Variants in ANKS1B observed in about 807,000 individuals in gnomAD.
ANKS1B encodes ankyrin repeat and sterile alpha motif domain-containing protein 1B.
Under a neutral mutation model 148.3 loss-of-function variants are expected in ANKS1B, and 36 were observed. The observed-to-expected ratio is 0.24, with a 90% CI of 0.19 to 0.32. ANKS1B has a LOEUF of 0.32. ANKS1B is among the 10% of genes least tolerant of loss of function. ANKS1B has a pLI of 1.00. For synonymous variants in ANKS1B, 542 were observed against 560.8 expected (o/e 0.97, Z 0.47); for missense variants, 1,157 against 1,542.6 (o/e 0.75, Z 4.19).
chr12:99,867,448 G>T (rs532341682), intron 1 of ANKS1B, among the ~76,000 whole-genome samples: 1 of 152,256 alleles, frequency 6.6e-6, no homozygotes, highest in South Asian at 2.1e-4. Flanking sequence ...AGGTTTAACG[G>T]ACTCACAGCT....
chr12:99,567,779 A>C lies in ANKS1B; in HGVS notation c.1273-63138T>G, dbSNP rs139842687. On this transcript the variant is annotated intron_variant, in intron 9 of 26. Coordinates refer to ENST00000683438, the MANE Select transcript of ANKS1B (RefSeq NM_001352186.2). The stretch of plus-strand genomic sequence containing the variant: ...AATCTCAATTAGAAGGCTTTCCTAA[A>C]AAAATTTCAAAAGACCATAACTGCT... Among the ~76,000 whole-genome samples the C allele has an allele frequency of 2.4e-3, 371 of 152,310 alleles. 1 individual carries two copies. Among genetic ancestry groups the C allele is most frequent in the African/African-American group, 8.2e-3 (340 of 41,574 alleles).
chr12:99,065,875 A>G (rs1016552235), intron 16 of ANKS1B, among the ~76,000 whole-genome samples: 2 of 152,244 alleles, frequency 1.3e-5, no homozygotes, highest in African/African-American at 4.8e-5. Context: ...ATAGTCTGTT[A>G]GAAGGTGATA....
At chr12:99,742,063 G>A (rs903866742) in intron 8 of ANKS1B, among the ~76,000 whole-genome samples, 4 of 151,900 alleles carry the variant, frequency 2.6e-5, no homozygotes, top group Non-Finnish European at 5.9e-5. Flanking sequence ...AGAACACATG[G>A]ACACATACAG....
intron 9 of ANKS1B, among the ~76,000 whole-genome samples, chr12:99,584,936 TG>T (rs1449098637): frequency 6.6e-6 from 1 of 152,104 alleles, no homozygotes; most frequent in Non-Finnish European, 1.5e-5. Context: ...AGATGAGATT[TG>T]GGTGAGGACT....
rs1311352124 is a variant in ANKS1B, at chr12:99,666,878, GTGTGTGTGTGTGTGTGT to G, written c.1129-11685_1129-11669del. On this transcript the variant is annotated intron_variant, in intron 8 of 26. Transcript: ENST00000683438. ...ATGGGGTGTGTGTGTGTGTGTGTGTGTGTGTGTGTGTGTGTGTGGTGAGGACACTTAGAATCAACTCT... is the reference window on the plus strand; with the variant it reads ...ATGGGGTGTGTGTGTGTGTGTGTGTGGGTGAGGACACTTAGAATCAACTCT... Among the ~76,000 whole-genome samples the G allele has an allele frequency of 1.9e-4, 27 of 143,654 alleles. 1 individual carries two copies. The highest frequency in any genetic ancestry group is 2.3e-4 in the Non-Finnish European group (15 of 63,846). 94.2% of individuals were successfully genotyped at this position (143,654 alleles called of 152,430 possible).
intron 14 of ANKS1B, chr12:99,155,177 G>T: frequency 7.3e-7 from 1 of 1,372,630 alleles, no homozygotes; most frequent in East Asian, 2.6e-5. Context: ...GCTCACGACA[G>T]GTTCCCTTTC....
At chr12:99,253,053 A>G (rs1054966352) in intron 12 of ANKS1B, among the ~76,000 whole-genome samples, 6 of 152,074 alleles carry the variant, frequency 3.9e-5, no homozygotes, top group African/African-American at 1.4e-4. Context: ...GCAAGACCTC[A>G]TCTGTACAAA....
intron 17 of ANKS1B, among the ~76,000 whole-genome samples, chr12:99,003,166 G>T (rs2099934040): frequency 6.6e-6 from 1 of 152,026 alleles, no homozygotes; most frequent in Admixed American, 6.5e-5. Flanking sequence ...CTATTTCTGG[G>T]CTCCTGATTC....
At chr12:99,106,762 G>A (rs1224918217) in intron 15 of ANKS1B, among the ~76,000 whole-genome samples, 1 of 152,120 alleles carries the variant, frequency 6.6e-6, no homozygotes, top group Non-Finnish European at 1.5e-5. Context: ...GTTAATCATA[G>A]TTGCCTTATT....
chr12:99,607,687 A>G (rs2097861116), intron 9 of ANKS1B, among the ~76,000 whole-genome samples: 1 of 152,058 alleles, frequency 6.6e-6, no homozygotes, highest in Admixed American at 6.6e-5. Context: ...TTGTATGGAG[A>G]AGGCTTCTGA....
chr12:99,950,701 C>T (rs545795873), intron 1 of ANKS1B, among the ~76,000 whole-genome samples: 1 of 151,962 alleles, frequency 6.6e-6, no homozygotes, highest in South Asian at 2.1e-4. Flanking sequence ...ACACCAAATA[C>T]TTCATTTTTA....
intron 9 of ANKS1B, among the ~76,000 whole-genome samples, chr12:99,651,708 T>A (rs2153437672): frequency 6.6e-6 from 1 of 152,312 alleles, no homozygotes; most frequent in African/African-American, 2.4e-5. Context: ...CACAGTTTTC[T>A]TAAAATTCTA....
intron 9 of ANKS1B, among the ~76,000 whole-genome samples, chr12:99,567,668 A>G (rs2097410119): frequency 6.6e-6 from 1 of 152,138 alleles, no homozygotes; most frequent in South Asian, 2.1e-4. Flanking sequence ...AGGAAGAGAG[A>G]TCTCCATCAG....
At chr12:99,373,713 A>T (rs1292933359) in intron 12 of ANKS1B, among the ~76,000 whole-genome samples, 1 of 151,846 alleles carries the variant, frequency 6.6e-6, no homozygotes, top group Non-Finnish European at 1.5e-5. Flanking sequence ...AATCCTGCTT[A>T]CATTAGTTGC....
intron 1 of ANKS1B, among the ~76,000 whole-genome samples, chr12:99,883,745 G>A (rs188553450): frequency 2.6e-5 from 4 of 152,110 alleles, no homozygotes; most frequent in Admixed American, 1.3e-4. Context: ...GTGAAACCTC[G>A]TCTCTATTAA....
At chr12:99,187,825 C>G (rs1205269952) in intron 14 of ANKS1B, among the ~76,000 whole-genome samples, 3 of 152,260 alleles carry the variant, frequency 2.0e-5, no homozygotes, top group African/African-American at 7.2e-5. Flanking sequence ...ATGACAGGAT[C>G]AAATTCACAC....
chr12:99,364,144 T>G (rs987026910), intron 12 of ANKS1B, among the ~76,000 whole-genome samples: 1 of 152,110 alleles, frequency 6.6e-6, no homozygotes, highest in Non-Finnish European at 1.5e-5. Flanking sequence ...GGGCAAATAT[T>G]TTATTTTTTG....
chr12:99,972,174 G>A (rs1012426586), intron 1 of ANKS1B, among the ~76,000 whole-genome samples: 2 of 152,012 alleles, frequency 1.3e-5, no homozygotes, highest in African/African-American at 4.8e-5. Context: ...ATTAAAATTA[G>A]GCCAATGAAT....
At chr12:99,207,954 G>C (rs1244915596) in intron 14 of ANKS1B, among the ~76,000 whole-genome samples, 1 of 151,972 alleles carries the variant, frequency 6.6e-6, no homozygotes, top group African/African-American at 2.4e-5. Flanking sequence ...GAGAAAAAAT[G>C]TTATCCATAT....
Sources: allele counts gnomAD v4.1 joint callset (sites outside exome capture counted in the v4.1 genomes callset), GRCh38; gene constraint gnomAD v4.1.1; transcripts MANE v1.5; gene names NCBI Gene and HGNC (gene_info 2026-07-23, HGNC 2026-07-21).